The following NUCKS1 variants were observed in gnomAD, a reference collection of about 807,000 sequenced individuals.
The protein encoded by NUCKS1 is nuclear ubiquitous casein and cyclin-dependent kinase substrate 1.
A neutral mutation model predicts 33.0 loss-of-function variants in NUCKS1; 2 were observed. The ratio of observed to expected loss-of-function variants is 0.06; its 90% CI spans 0.02 to 0.19. The LOEUF is 0.19. Among genes scored for constraint, NUCKS1 ranks in the 10% least tolerant of loss-of-function variants. The pLI, the probability that NUCKS1 is intolerant of heterozygous loss-of-function variation, is 1.00. For synonymous variants in NUCKS1, 106 were observed against 102.8 expected (o/e 1.03, Z -0.19); for missense variants, 201 against 293.6 (o/e 0.68, Z 2.31).
Position 205,718,005 on chromosome 1 carries a change from C to T in NUCKS1, c.*275G>A. 1 of 1,076,864 alleles carries T rather than the reference C, an allele frequency of 9.3e-7. No homozygotes were observed. The highest frequency in any genetic ancestry group is 1.1e-6 in the Non-Finnish European group (1 of 893,424). 66.7% of individuals were successfully genotyped at this position (1,076,864 alleles called of 1,614,324 possible). On this transcript the variant is annotated 3_prime_UTR_variant, in exon 7 of 7. Transcript: ENST00000367142. ...CCAGTGATTAATTTGACATGGCTTT[C>T]ATTGGGAAAGGGGAGGGCTGGCAAA... is the stretch of plus-strand genomic sequence containing the variant.
chr1:205,726,551 A>G (rs111763132), intron 3 of NUCKS1, among the ~76,000 whole-genome samples: 1 of 152,250 alleles, frequency 6.6e-6, no homozygotes, highest in African/African-American at 2.4e-5. Flanking sequence ...TGGTGCTCCA[A>G]GATTCTTAGA....
Position 205,718,347 on chromosome 1 carries a change from G to A in NUCKS1, c.665C>T (p.Thr222Ile), listed in dbSNP as rs756501568. 4 of 1,613,518 alleles carry A rather than the reference G, an allele frequency of 2.5e-6. No individual in the cohort carries two copies. The South Asian group carries it at 4.4e-5, about 18-fold the overall frequency. Reference protein sequence around the residue: ...PESPPEKKTSTSPPPEKSGDE... With the variant: ...PESPPEKKTSISPPPEKSGDE... The stretch of plus-strand genomic sequence containing the variant: ...CCCAGATTTCTCGGGTGGGGGGCTT[G>A]TAGATGTTTTCTTTTCTGGCGGGCT... Residue 222 changes from threonine to isoleucine, a missense_variant, in exon 7 of 7, where the codon ACA becomes ATA. Coordinates refer to ENST00000367142, the MANE Select transcript of NUCKS1 (RefSeq NM_022731.5).
intron 1 of NUCKS1, among the ~76,000 whole-genome samples, chr1:205,732,624 T>C (rs2102439522): frequency 1.3e-5 from 2 of 151,672 alleles, no homozygotes; most frequent in African/African-American, 4.8e-5. Flanking sequence ...CTAGTAAAAG[T>C]ACAAAAATTA....
intron 1 of NUCKS1, among the ~76,000 whole-genome samples, chr1:205,741,480 G>T (rs893523650): frequency 3.3e-5 from 5 of 152,082 alleles, no homozygotes; most frequent in Non-Finnish European, 7.4e-5. Context: ...GACTGAAGGG[G>T]TCTCAGATGC....
chr1:205,738,451 T>C (rs1186913908), intron 1 of NUCKS1, among the ~76,000 whole-genome samples: 2 of 151,680 alleles, frequency 1.3e-5, no homozygotes, highest in Non-Finnish European at 2.9e-5. Context: ...TTTTTTTTTT[T>C]TTTTTTGTAG....
chr1:205,730,650 G>C (rs535157987), intron 1 of NUCKS1, among the ~76,000 whole-genome samples: 1 of 151,878 alleles, frequency 6.6e-6, no homozygotes, highest in African/African-American at 2.4e-5. Flanking sequence ...CACCACGCCT[G>C]GCTAATATTT....
chr1:205,750,166 G>C lies in NUCKS1; in HGVS notation c.-193C>G. The stretch of plus-strand genomic sequence containing the variant: ...GAACAGACGAGCCCCCCGCTCCCCC[G>C]TCTCTTCAAAATGGATGAATCAAAC... On this transcript the variant is annotated 5_prime_UTR_variant, in exon 1 of 7. Transcript: ENST00000367142. 1.6e-6 allele frequency: 1 copy of C among 615,304 alleles called. No individual in the cohort carries two copies. Among genetic ancestry groups the C allele is most frequent in the Non-Finnish European group, 2.9e-6 (1 of 346,272 alleles). 38.1% of individuals were successfully genotyped at this position (615,304 alleles called of 1,614,324 possible). A position where few individuals can be genotyped will look rare whatever the true frequency, so the allele number is the denominator to read the frequency against.
intron 1 of NUCKS1, among the ~76,000 whole-genome samples, chr1:205,738,017 T>C (rs539279207): frequency 6.6e-6 from 1 of 152,318 alleles, no homozygotes; most frequent in South Asian, 2.1e-4. Context: ...ATTATATTTA[T>C]CTATTTTTAT....
chr1:205,736,061 C>T (rs1654027343), intron 1 of NUCKS1, among the ~76,000 whole-genome samples: 1 of 152,084 alleles, frequency 6.6e-6, no homozygotes, highest in African/African-American at 2.4e-5. Flanking sequence ...AAGCAATTCT[C>T]CCAACTCAGC....
chr1:205,718,937 CAG>C (rs1303892409), intron 6 of NUCKS1, among the ~76,000 whole-genome samples: 1 of 152,144 alleles, frequency 6.6e-6, no homozygotes, highest in African/African-American at 2.4e-5. Context: ...AAGTGATAAA[CAG>C]AAGTTTAACA....
chr1:205,733,855 C>G (rs1470800527), intron 1 of NUCKS1, among the ~76,000 whole-genome samples: 3 of 152,038 alleles, frequency 2.0e-5, no homozygotes. Flanking sequence ...ACCTACCTAT[C>G]TTCCATCTGT....
chr1:205,744,630 G>GGTTTTTT (rs1421044860), intron 1 of NUCKS1, among the ~76,000 whole-genome samples: 1 of 87,786 alleles, frequency 1.1e-5, no homozygotes, highest in African/African-American at 4.5e-5. Flanking sequence ...GTTCACTAGA[G>GGTTTTTT]TTTTTTTTTT....
intron 1 of NUCKS1, among the ~76,000 whole-genome samples, chr1:205,730,646 G>A (rs1012759130): frequency 2.0e-5 from 3 of 151,748 alleles, no homozygotes; most frequent in East Asian, 3.9e-4. Flanking sequence ...GTGCCACCAC[G>A]CCTGGCTAAT....
At chr1:205,749,731 G>C (rs1282824619) in intron 1 of NUCKS1, among the ~76,000 whole-genome samples, 1 of 151,432 alleles carries the variant, frequency 6.6e-6, no homozygotes, top group Admixed American at 6.6e-5. Flanking sequence ...GCAGACCGGA[G>C]CCCTGCAGCG....
At chr1:205,737,862 C>A (rs909961135) in intron 1 of NUCKS1, among the ~76,000 whole-genome samples, 3 of 152,188 alleles carry the variant, frequency 2.0e-5, no homozygotes, top group African/African-American at 7.2e-5. Context: ...CCTGTGTTGT[C>A]AAAATAGGTT....
At chr1:205,747,054 A>G (rs1385531192) in intron 1 of NUCKS1, among the ~76,000 whole-genome samples, 1 of 152,190 alleles carries the variant, frequency 6.6e-6, no homozygotes, top group Non-Finnish European at 1.5e-5. Context: ...CCTTCCTCAC[A>G]AAGTTGACTC....
intron 1 of NUCKS1, among the ~76,000 whole-genome samples, chr1:205,743,402 G>A (rs188212039): frequency 1.3e-5 from 2 of 152,290 alleles, no homozygotes; most frequent in African/African-American, 2.4e-5. Context: ...GGCTTCTTTT[G>A]TTGTGCCAGG....
At chr1:205,735,825 TATG>T (rs1202776098) in intron 1 of NUCKS1, among the ~76,000 whole-genome samples, 2 of 152,270 alleles carry the variant, frequency 1.3e-5, no homozygotes, top group Non-Finnish European at 2.9e-5. Context: ...CTTATTTGGA[TATG>T]ATGATTAAGT....
At chr1:205,735,570 T>C (rs1293848933) in intron 1 of NUCKS1, among the ~76,000 whole-genome samples, 1 of 152,228 alleles carries the variant, frequency 6.6e-6, no homozygotes, top group African/African-American at 2.4e-5. Flanking sequence ...ACACAGATTC[T>C]TGAATTTACG....
Sources: allele counts gnomAD v4.1 joint callset (sites outside exome capture counted in the v4.1 genomes callset), GRCh38; gene constraint gnomAD v4.1.1; transcripts MANE v1.5; gene names NCBI Gene and HGNC (gene_info 2026-07-23, HGNC 2026-07-21).